Variants in MYRFL observed in about 807,000 individuals in gnomAD.
The protein encoded by MYRFL is myelin regulatory factor like.
Under a neutral mutation model 109.4 loss-of-function variants are expected in MYRFL, and 88 were observed. The observed-to-expected ratio is 0.80, with a 90% CI of 0.68 to 0.96. MYRFL has a LOEUF of 0.96. Among genes scored for constraint, MYRFL ranks in the 40% least tolerant of loss-of-function variants. The pLI is 0.00. For synonymous variants in MYRFL, 324 were observed against 320.9 expected (o/e 1.01, Z -0.10); for missense variants, 957 against 954.9 (o/e 1.00, Z -0.03).
At chr12:69,929,853 A>C (rs1320121169) in intron 15 of MYRFL, among the ~76,000 whole-genome samples, 1 of 152,188 alleles carries the variant, frequency 6.6e-6, no homozygotes, top group Non-Finnish European at 1.5e-5. Context: ...TACTTGCTTC[A>C]TAGGGTTGTA....
chr12:69,865,572 C>T (rs1200588849), intron 2 of MYRFL, among the ~76,000 whole-genome samples: 2 of 152,104 alleles, frequency 1.3e-5, no homozygotes, highest in East Asian at 3.9e-4. Flanking sequence ...GACAGGAGGA[C>T]AGGGGAAGGT....
At chr12:69,929,160 C>T (rs1955191228) in intron 15 of MYRFL, among the ~76,000 whole-genome samples, 1 of 152,048 alleles carries the variant, frequency 6.6e-6, no homozygotes, top group Admixed American at 6.6e-5. Context: ...AATTAAAAAA[C>T]ATTAAGTGGC....
At position 69,825,478 on chromosome 12, in the gene MYRFL, C is replaced by T. The variant is rs955737913; in HGVS notation, c.-40C>T. 32 of 699,320 alleles carry T rather than the reference C, an allele frequency of 4.6e-5. No homozygotes were observed. Among genetic ancestry groups the T allele is most frequent in the Non-Finnish European group, 5.5e-5 (21 of 383,506 alleles). 43.3% of individuals were successfully genotyped at this position (699,320 alleles called of 1,614,324 possible). ...GTACTTATTTCCTGAGGTCTGATAA[C>T]CGTTGTTTTATGAGGAAATAGTACT... is the stretch of plus-strand genomic sequence containing the variant. On this transcript the variant is annotated 5_prime_UTR_variant, in exon 1 of 25. Transcript: ENST00000552032.
intron 5 of MYRFL, among the ~76,000 whole-genome samples, chr12:69,881,312 C>T (rs1315120779): frequency 6.6e-6 from 1 of 152,134 alleles, no homozygotes; most frequent in Non-Finnish European, 1.5e-5. Flanking sequence ...CAAATGTGGG[C>T]AGTGTGAACA....
At position 69,955,245 on chromosome 12, in the gene MYRFL, T is replaced by TTTA. The variant is rs1956066274; in HGVS notation, c.2376-112_2376-110dup. Reference sequence around the variant, plus strand: ...ACCAGGTTGAACTCAGTTTTCCATATTTATTATTTACTATATAATATTTCA... The same window carrying TTTA: ...ACCAGGTTGAACTCAGTTTTCCATATTTATTATTATTTACTATATAATATTTCA... On this transcript the variant is annotated intron_variant, in intron 21 of 24. Transcript: ENST00000552032. 2.3e-5 allele frequency: 9 copies of TTTA among 388,596 alleles called. No individual in the cohort carries two copies. In the South Asian group the frequency reaches 8.0e-4, roughly 34 times the overall value. 24.1% of individuals were successfully genotyped at this position (388,596 alleles called of 1,614,324 possible). A position where few individuals can be genotyped will look rare whatever the true frequency, so the allele number is the denominator to read the frequency against.
rs1356070233 is a variant in MYRFL, at chr12:69,958,531, AT to A, written c.*3del. 1.3e-6 allele frequency: 2 copies of A among 1,530,740 alleles called. No individual in the cohort carries two copies. Among genetic ancestry groups the A allele is most frequent in the Non-Finnish European group, 1.7e-6 (2 of 1,145,040 alleles). 94.8% of individuals were successfully genotyped at this position (1,530,740 alleles called of 1,614,324 possible). A position where few individuals can be genotyped will look rare whatever the true frequency, so the allele number is the denominator to read the frequency against. On this transcript the variant is annotated 3_prime_UTR_variant, in exon 25 of 25. Transcript: ENST00000552032. The stretch of plus-strand genomic sequence containing the variant: ...TTTACTTCTATCGACGCTGTGCCTA[AT>A]TTGTTCAAGTTTGGGGACTTTACCA...
chr12:69,934,620 A>G (rs1405985290), intron 16 of MYRFL, among the ~76,000 whole-genome samples: 1 of 152,188 alleles, frequency 6.6e-6, no homozygotes, highest in Non-Finnish European at 1.5e-5. Flanking sequence ...TGATGAAAGC[A>G]GAGAATTTTA....
chr12:69,958,444 G>A lies in MYRFL; in HGVS notation c.2647-1G>A, dbSNP rs1360844985. 10 of 1,527,046 alleles carry A rather than the reference G, an allele frequency of 6.5e-6. No individual in the cohort carries two copies. In the East Asian group the frequency reaches 2.4e-4, roughly 37 times the overall value. 94.6% of individuals were successfully genotyped at this position (1,527,046 alleles called of 1,614,324 possible). A position where few individuals can be genotyped will look rare whatever the true frequency, so the allele number is the denominator to read the frequency against. On this transcript the variant is annotated splice_acceptor_variant, in intron 24 of 24. Transcript: ENST00000552032. LOFTEE classifies it high-confidence loss of function. ...TTTTTTTTTTTCTCCTTTTCTGACA[G>A]GATTTAGCTGACTGTTCAACTGATC...
At chr12:69,907,400 T>A (rs1432842412) in intron 11 of MYRFL, among the ~76,000 whole-genome samples, 3 of 152,290 alleles carry the variant, frequency 2.0e-5, no homozygotes, top group African/African-American at 7.2e-5. Context: ...CTGGACAGCC[T>A]ACATGAGGGT....
At position 69,932,500 on chromosome 12, in the gene MYRFL, A is replaced by T; in HGVS notation, c.1831-13A>T. The T allele has an allele frequency of 6.5e-7, 1 of 1,528,170 alleles. No homozygotes were observed. Among genetic ancestry groups the T allele is most frequent in the Non-Finnish European group, 8.8e-7 (1 of 1,139,686 alleles). 94.7% of individuals were successfully genotyped at this position (1,528,170 alleles called of 1,614,324 possible). On this transcript the variant is annotated splice_polypyrimidine_tract_variant and intron_variant, in intron 15 of 24. Coordinates refer to ENST00000552032, the MANE Select transcript of MYRFL (RefSeq NM_182530.3). ...GCTAATTTATCACTGCTCATTACTG[A>T]ACCTTTTTATAGGTTTATTTTTCAG...
intron 13 of MYRFL, 59 bp downstream of exon 13, chr12:69,910,989 C>A: frequency 8.4e-7 from 1 of 1,196,602 alleles, no homozygotes; most frequent in Non-Finnish European, 1.2e-6. Context: ...AAACCCCCTT[C>A]TGTGATAGCA....
At chr12:69,845,921 C>A (rs142222298) in intron 1 of MYRFL, among the ~76,000 whole-genome samples, 1 of 151,738 alleles carries the variant, frequency 6.6e-6, no homozygotes, top group Non-Finnish European at 1.5e-5. Context: ...AAAGATAATA[C>A]CTGCATCATG....
rs1029893940 is a variant in MYRFL, at chr12:69,886,687, C to T, written c.557-133C>T. 4.6e-6 allele frequency: 5 copies of T among 1,091,212 alleles called. No homozygotes were observed. The African/African-American group carries it at 7.9e-5, about 17-fold the overall frequency. The allele number at this position is 1,091,212 out of a possible 1,614,324, so 67.6% of individuals were successfully genotyped here. A position where few individuals can be genotyped will look rare whatever the true frequency, so the allele number is the denominator to read the frequency against. On this transcript the variant is annotated intron_variant, in intron 5 of 24. Coordinates refer to ENST00000552032, the MANE Select transcript of MYRFL (RefSeq NM_182530.3). ...GAAAATGAGGTCAGCAACACACCTC[C>T]TACCCCCAGCACATGACACTTCCCT... is the stretch of plus-strand genomic sequence containing the variant.
chr12:69,831,217 C>T (rs961703324), intron 1 of MYRFL, among the ~76,000 whole-genome samples: 1 of 152,046 alleles, frequency 6.6e-6, no homozygotes, highest in Non-Finnish European at 1.5e-5. Flanking sequence ...GACCACAGGC[C>T]AAATCTGGCC....
intron 2 of MYRFL, among the ~76,000 whole-genome samples, chr12:69,875,645 C>T (rs941680787): frequency 3.3e-5 from 5 of 152,160 alleles, no homozygotes; most frequent in South Asian, 2.1e-4. Context: ...AGATCAGCAG[C>T]GGCATTAGAG....
In MYRFL at chr12:69,932,602, A is replaced by C; in HGVS notation, c.1916+4A>C. On this transcript the variant is annotated splice_donor_region_variant and intron_variant, in intron 16 of 24. Transcript: ENST00000552032. ...TGATTGCTGTGATGGCATTTTGGTA[A>C]GAAAAAGTTCACTGTTATGCCATGT... 1 of 1,534,154 alleles carries C rather than the reference A, an allele frequency of 6.5e-7. No homozygotes were observed. Among genetic ancestry groups the C allele is most frequent in the Non-Finnish European group, 8.7e-7 (1 of 1,145,110 alleles).
At chr12:69,940,471 G>C (rs1392783643) in intron 19 of MYRFL, among the ~76,000 whole-genome samples, 1 of 149,722 alleles carries the variant, frequency 6.7e-6, no homozygotes, top group Admixed American at 6.7e-5. Context: ...AAGTGAAGGA[G>C]AAATAAAATA....
At chr12:69,913,478 T>C (rs561381560) in intron 13 of MYRFL, among the ~76,000 whole-genome samples, 1 of 152,308 alleles carries the variant, frequency 6.6e-6, no homozygotes, top group African/African-American at 2.4e-5. Context: ...TTAATATTTG[T>C]GTTAGGTAAG....
chr12:69,827,596 AAAAG>A (rs1268276309), intron 1 of MYRFL, among the ~76,000 whole-genome samples: 4 of 152,084 alleles, frequency 2.6e-5, no homozygotes, highest in Non-Finnish European at 4.4e-5. Flanking sequence ...CACTTCAAAA[AAAAG>A]GTTGTCATAA....
Sources: allele counts gnomAD v4.1 joint callset (sites outside exome capture counted in the v4.1 genomes callset), GRCh38; gene constraint gnomAD v4.1.1; transcripts MANE v1.5; gene names NCBI Gene and HGNC (gene_info 2026-07-23, HGNC 2026-07-21).